CPD: variants seen among roughly 807,000 people sequenced by gnomAD.
CPD encodes metallocarboxypeptidase D.
In CPD, 69 loss-of-function variants were observed where a neutral mutation model predicts 138.3. That is an observed-to-expected ratio of 0.50 (90% CI 0.41 to 0.61). The LOEUF is 0.61. CPD is among the 20% of genes least tolerant of loss of function. CPD has a pLI of 0.00. For missense variants in CPD, 1,432 were observed against 1,733.3 expected (o/e 0.83, Z 3.09); for synonymous variants, 651 against 642.1 (o/e 1.01, Z -0.21).
At chr17:30,456,846 CAAAAAAA>C (rs11353479) in intron 17 of CPD, 4 of 66,816 alleles carry the variant, frequency 6.0e-5, no homozygotes, top group East Asian at 4.1e-4. Context: ...GATTCCATCT[CAAAAAAA>C]AAAAAAAAAA....
chr17:30,465,074 C>G lies in CPD; in HGVS notation c.*260C>G. The G allele has an allele frequency of 2.5e-6, 1 of 403,226 alleles. No individual in the cohort carries two copies. The highest frequency in any genetic ancestry group is 4.0e-5 in the Admixed American group (1 of 25,188). 25.0% of individuals were successfully genotyped at this position (403,226 alleles called of 1,614,324 possible). ...CTTTTTCTTTTTAATTTAAGATGAG[C>G]TATTTGGAGCTTATGTAATAATGGC... On this transcript the variant is annotated 3_prime_UTR_variant, in exon 21 of 21. Coordinates refer to ENST00000225719, the MANE Select transcript of CPD (RefSeq NM_001304.5).
intron 2 of CPD, among the ~76,000 whole-genome samples, chr17:30,399,349 A>G (rs553036975): frequency 8.2e-4 from 125 of 152,248 alleles, no homozygotes; most frequent in African/African-American, 2.9e-3. Context: ...TGATAGTATT[A>G]TTACATTTTT....
At chr17:30,439,164 T>G in intron 9 of CPD, 87 bp downstream of exon 9, 1 of 696,088 alleles carries the variant, frequency 1.4e-6, no homozygotes. Context: ...CTTTTAGTTT[T>G]GAGGAATAAT....
chr17:30,438,956 A>G lies in CPD; in HGVS notation c.2128-19A>G, dbSNP rs749562618. On this transcript the variant is annotated intron_variant, in intron 8 of 20. Coordinates refer to ENST00000225719, the MANE Select transcript of CPD (RefSeq NM_001304.5). Reference sequence around the variant, plus strand: ...GAGATACAAACAAATAGAAGTAAAGATTCTTTTTGTTTTTCCAGGAAAATT... The same window carrying G: ...GAGATACAAACAAATAGAAGTAAAGGTTCTTTTTGTTTTTCCAGGAAAATT... The G allele has an allele frequency of 3.6e-6, 5 of 1,381,876 alleles. No homozygotes were observed. The highest frequency in any genetic ancestry group is 5.0e-6 in the Non-Finnish European group (5 of 1,003,642). The allele number at this position is 1,381,876 out of a possible 1,614,324, so 85.6% of individuals were successfully genotyped here.
chr17:30,405,597 TG>T (rs1911782704), intron 2 of CPD, among the ~76,000 whole-genome samples: 1 of 152,190 alleles, frequency 6.6e-6, no homozygotes. Context: ...ATATTCCAAA[TG>T]CTTTTGTTTC....
chr17:30,461,765 T>TG (rs1913480962), intron 18 of CPD, 112 bp from the exon 19 acceptor site: 1 of 790,192 alleles, frequency 1.3e-6, no homozygotes, highest in African/African-American at 1.7e-5. Context: ...TGTTTGTGTG[T>TG]GGTTTTTGTT....
chr17:30,398,235 GAACAGAATAGAAT>G (rs1379316076), intron 2 of CPD, among the ~76,000 whole-genome samples: 1,930 of 40,278 alleles, frequency 0.048, 44 homozygotes, highest in African/African-American at 0.19. Context: ...GAATAGAATA[GAACAGAATAGAAT>G]AATAGAATAG....
intron 1 of CPD, among the ~76,000 whole-genome samples, chr17:30,384,533 G>T (rs1911130392): frequency 6.6e-6 from 1 of 152,116 alleles, no homozygotes; most frequent in Non-Finnish European, 1.5e-5. Context: ...AGGCATAGTG[G>T]CTCATGCCTC....
chr17:30,412,667 G>T lies in CPD; in HGVS notation c.995-8174G>T, dbSNP rs116313572. On this transcript the variant is annotated intron_variant, in intron 2 of 20. Transcript: ENST00000225719. ...AGTAGCAGTGAATAAGGCTTCGTGG[G>T]TGTGGGACCCACCGAGCCAGGCACA... 3.5e-3 allele frequency among the ~76,000 whole-genome samples: 532 copies of T among 152,274 alleles called. 3 individuals carry two copies. Among genetic ancestry groups the T allele is most frequent in the South Asian group, 8.5e-3 (41 of 4,824 alleles).
In CPD at chr17:30,379,313, C is replaced by A; in HGVS notation, c.333C>A (p.Asp111Glu). ...AGLGSLIPEG[D>E]AGPDAAGPDA... Reference sequence around the variant, plus strand: ...TGGGGTCGCTAATCCCTGAGGGCGACGCGGGGCCTGACGCTGCCGGGCCCG... The same window carrying A: ...TGGGGTCGCTAATCCCTGAGGGCGAAGCGGGGCCTGACGCTGCCGGGCCCG... The change falls in exon 1 of 21, where the codon GAC becomes GAA. Residue 111 changes from aspartate (D) to glutamate (E), a missense_variant. By Grantham distance (45) the Asp-to-Glu change is conservative. This residue lies in a region of CPD where 484 missense variants were observed against 477.2 expected (regional missense o/e 1.01). Coordinates refer to ENST00000225719, the MANE Select transcript of CPD (RefSeq NM_001304.5). This position sits in a 1 kb window ranked among gnomAD's most constrained non-coding sequence, Gnocchi z 7.0. 6.7e-7 allele frequency: 1 copy of A among 1,497,018 alleles called. No individual in the cohort carries two copies. Among genetic ancestry groups the A allele is most frequent in the Non-Finnish European group, 8.8e-7 (1 of 1,130,614 alleles). 92.7% of individuals were successfully genotyped at this position (1,497,018 alleles called of 1,614,324 possible).
chr17:30,439,365 A>ATTTT (rs370842689), intron 9 of CPD, among the ~76,000 whole-genome samples: 2 of 20,958 alleles, frequency 9.5e-5, no homozygotes, highest in Non-Finnish European at 1.8e-4. Flanking sequence ...CTATATTTGA[A>ATTTT]TTCTTTTTTT....
intron 8 of CPD, among the ~76,000 whole-genome samples, chr17:30,435,368 AT>A (rs57238077): frequency 0.045 from 6,645 of 148,074 alleles, 496 homozygotes; most frequent in African/African-American, 0.15. Context: ...TGGTCAGTTG[AT>A]TTTTTTTTTT....
intron 1 of CPD, among the ~76,000 whole-genome samples, chr17:30,382,775 T>G (rs1355383335): frequency 6.6e-6 from 1 of 152,234 alleles, no homozygotes; most frequent in Admixed American, 6.5e-5. Context: ...TAAAGTAGCA[T>G]GCTTTACTTA....
intron 2 of CPD, among the ~76,000 whole-genome samples, chr17:30,386,249 A>C (rs1476227347): frequency 6.6e-6 from 1 of 152,008 alleles, no homozygotes; most frequent in Non-Finnish European, 1.5e-5. Context: ...GGCTGATCTC[A>C]AACTCCTGAC....
intron 2 of CPD, among the ~76,000 whole-genome samples, chr17:30,401,186 CTATTT>C (rs1911649247): frequency 6.6e-6 from 1 of 152,084 alleles, no homozygotes; most frequent in Non-Finnish European, 1.5e-5. Flanking sequence ...ACTTTCAAGA[CTATTT>C]TATTGCTGCT....
At chr17:30,404,301 T>A (rs1225864885) in intron 2 of CPD, among the ~76,000 whole-genome samples, 2 of 152,196 alleles carry the variant, frequency 1.3e-5, no homozygotes, top group Non-Finnish European at 2.9e-5. Flanking sequence ...ATTTACTTAA[T>A]ACTTAAGTGA....
chr17:30,430,494 G>A (rs1244770659), intron 7 of CPD, among the ~76,000 whole-genome samples: 1 of 152,110 alleles, frequency 6.6e-6, no homozygotes, highest in Non-Finnish European at 1.5e-5. Context: ...TTGAATAATA[G>A]TACATTGTAT....
chr17:30,458,717 T>G (rs999168341), intron 17 of CPD, among the ~76,000 whole-genome samples: 1 of 152,054 alleles, frequency 6.6e-6, no homozygotes, highest in African/African-American at 2.4e-5. Flanking sequence ...ATACAAACAT[T>G]AGCCAGGCTG....
chr17:30,424,883 C>T (rs1411948725), intron 6 of CPD, among the ~76,000 whole-genome samples: 1 of 152,182 alleles, frequency 6.6e-6, no homozygotes, highest in African/African-American at 2.4e-5. Context: ...ACTGACCTGA[C>T]CATTGGGAGG....
Sources: gnomAD v4.1 joint callset for allele counts (sites outside exome capture counted in the v4.1 genomes callset) on GRCh38, gnomAD v4.1.1 for gene constraint, gnomAD v4.1.1 regional missense constraint, Gnocchi (gnomAD v3.1) non-coding constraint, MANE v1.5 for transcripts, NCBI Gene and HGNC (gene_info 2026-07-23, HGNC 2026-07-21) for gene names.